VWF: variants seen among roughly 807,000 people sequenced by gnomAD.
VWF encodes Factor VIII related antigen.
VWF carries 176 observed loss-of-function variants against 308.6 expected under a neutral mutation model. The ratio of observed to expected loss-of-function variants is 0.57; its 90% CI spans 0.50 to 0.65. The LOEUF is 0.65. Ranked by LOEUF, VWF falls within the 30% of genes least tolerant of loss-of-function variation. VWF has a pLI of 0.00. For missense variants in VWF, 3,146 were observed against 3,648.2 expected, an observed-to-expected ratio of 0.86 and a Z score of 3.55; for synonymous variants, 1,385 against 1,443.4, an observed-to-expected ratio of 0.96 and a Z score of 0.92.
chr12:5,966,276 T>C (rs769364988), intron 47 of VWF, among the ~76,000 whole-genome samples: 43 of 151,140 alleles, frequency 2.8e-4, no homozygotes, highest in Middle Eastern at 3.4e-3. Context: ...TGTTACACAA[T>C]ACACACACAC....
chr12:6,028,027 A>G (rs1944215292), intron 22 of VWF, among the ~76,000 whole-genome samples: 1 of 152,214 alleles, frequency 6.6e-6, no homozygotes, highest in Admixed American at 6.5e-5. Flanking sequence ...TGCCACAGAG[A>G]AGTGAGGGCA....
At chr12:6,014,638 AAGAC>A (rs1215561154) in intron 31 of VWF, among the ~76,000 whole-genome samples, 1 of 152,244 alleles carries the variant, frequency 6.6e-6, no homozygotes, top group Non-Finnish European at 1.5e-5. Flanking sequence ...TAAGATAAGA[AAGAC>A]AGATGTGAAA....
intron 23 of VWF, 51 bp downstream of exon 23, chr12:6,025,855 A>G (rs942778898): frequency 6.2e-7 from 1 of 1,613,286 alleles, no homozygotes; most frequent in African/African-American, 1.3e-5. Flanking sequence ...ACAGAGGGAC[A>G]TTCCAGGAAG....
chr12:5,980,674 C>T (rs2136369777), intron 42 of VWF, among the ~76,000 whole-genome samples: 1 of 152,366 alleles, frequency 6.6e-6, no homozygotes, highest in East Asian at 1.9e-4. Context: ...GTTCCCGCTT[C>T]TCCAAAACTG....
At chr12:6,053,588 A>G (rs2239160) in intron 15 of VWF, among the ~76,000 whole-genome samples, 132,859 of 152,168 alleles carry the variant, frequency 0.87, 58,147 homozygotes, top group Middle Eastern at 0.91. Context: ...CACAAGCCAG[A>G]AGGAAGTGTA....
At position 6,018,573 on chromosome 12, in the gene VWF, C is replaced by T; in HGVS notation, c.4845G>A (p.Glu1615=). The T allele has an allele frequency of 6.2e-7, 1 of 1,614,180 alleles. No individual in the cohort carries two copies. The highest frequency in any genetic ancestry group is 2.2e-5 in the East Asian group (1 of 44,872). ...YMVTGNPASD[E]IKRLPGDIQV... Reference sequence around the variant, plus strand: ...GGATGTCTCCAGGCAGCCTCTTGATCTCATCAGAGGCAGGATTTCCGGTGA... The same window carrying T: ...GGATGTCTCCAGGCAGCCTCTTGATTTCATCAGAGGCAGGATTTCCGGTGA... Residue 1615 remains glutamate (E), a synonymous_variant, in exon 28 of 52, where the codon GAG becomes GAA. Transcript: ENST00000261405.
intron 6 of VWF, among the ~76,000 whole-genome samples, chr12:6,082,355 G>C (rs1459534490): frequency 6.6e-6 from 1 of 152,128 alleles, no homozygotes; most frequent in Non-Finnish European, 1.5e-5. Context: ...ATCTAATATG[G>C]TAAGTATCAA....
intron 41 of VWF, 114 bp from the exon 42 acceptor site, chr12:5,982,105 T>A (rs1943612951): frequency 1.0e-6 from 1 of 979,808 alleles, no homozygotes; most frequent in Non-Finnish European, 1.6e-6. Flanking sequence ...GTCAGAAATG[T>A]GTGAGGGCCA....
intron 15 of VWF, among the ~76,000 whole-genome samples, chr12:6,055,426 G>C (rs1944565338): frequency 6.6e-6 from 1 of 152,114 alleles, no homozygotes; most frequent in Non-Finnish European, 1.5e-5. Flanking sequence ...TCCCATAACT[G>C]GTACCTCACG....
intron 6 of VWF, among the ~76,000 whole-genome samples, chr12:6,094,656 C>T (rs1945084935): frequency 6.6e-6 from 1 of 152,044 alleles, no homozygotes; most frequent in Non-Finnish European, 1.5e-5. Flanking sequence ...GCTCTGCCTT[C>T]GTGAATGGAT....
chr12:5,951,957 AT>A, intron 49 of VWF, 74 bp from the exon 50 acceptor site: 3 of 1,468,160 alleles, frequency 2.0e-6, no homozygotes, highest in Non-Finnish European at 2.9e-6. Flanking sequence ...CTCCGGGCCA[AT>A]TTTTAGCTCC....
intron 47 of VWF, among the ~76,000 whole-genome samples, chr12:5,962,402 T>C (rs1231130979): frequency 6.6e-6 from 1 of 151,944 alleles, no homozygotes; most frequent in Admixed American, 6.6e-5. Flanking sequence ...AACAGCAAAG[T>C]TGAAAAACTT....
intron 40 of VWF, 112 bp from the exon 41 acceptor site, chr12:5,983,366 A>G: frequency 3.0e-6 from 3 of 1,013,390 alleles, no homozygotes; most frequent in Non-Finnish European, 4.4e-6. Flanking sequence ...GTTTTAGGTA[A>G]GTGATGATGA....
chr12:6,122,661 G>T, intron 2 of VWF: 1 of 438,190 alleles, frequency 2.3e-6, no homozygotes, highest in Non-Finnish European at 4.5e-6. Context: ...CTTAGCAAGG[G>T]AAGGGCAGCA....
At chr12:5,963,411 A>G (rs528415851) in intron 47 of VWF, among the ~76,000 whole-genome samples, 65 of 152,344 alleles carry the variant, frequency 4.3e-4, no homozygotes, top group African/African-American at 1.3e-3. Context: ...ATACTAGAAG[A>G]TTCTGAAATT....
chr12:6,086,963 G>GA (rs1944979314), intron 6 of VWF, among the ~76,000 whole-genome samples: 33 of 152,312 alleles, frequency 2.2e-4, no homozygotes, highest in Admixed American at 2.2e-3. Flanking sequence ...AATCACAGGT[G>GA]AACTGCATGC....
chr12:6,090,930 A>C lies in VWF; in HGVS notation c.657+4530T>G, dbSNP rs188332600. 1.6e-3 allele frequency among the ~76,000 whole-genome samples: 250 copies of C among 152,262 alleles called. 1 individual carries two copies. Among genetic ancestry groups the C allele is most frequent in the Middle Eastern group, 3.4e-3 (1 of 294 alleles). Reference sequence around the variant, plus strand: ...TTCAGGCATTTAGAACTTTGACTGCAAAGAAGAGGAAACTCCTCCCTTCCA... The same window carrying C: ...TTCAGGCATTTAGAACTTTGACTGCCAAGAAGAGGAAACTCCTCCCTTCCA... On this transcript the variant is annotated intron_variant, in intron 6 of 51. Coordinates refer to ENST00000261405, the MANE Select transcript of VWF (RefSeq NM_000552.5).
rs546138427 is a variant in VWF at position 5,950,361 on chromosome 12, G to A, written c.8156-478C>T. ...GGCATACCCTGCCTCTCTGGGGACC[G>A]AGAAGATCCCTAGGCACCTTTGTGA... is the stretch of plus-strand genomic sequence containing the variant. On this transcript the variant is annotated intron_variant, in intron 50 of 51. Coordinates refer to ENST00000261405, the MANE Select transcript of VWF (RefSeq NM_000552.5). 2.6e-5 allele frequency among the ~76,000 whole-genome samples: 4 copies of A among 152,210 alleles called. No individual in the cohort carries two copies. In the East Asian group the frequency reaches 5.8e-4, roughly 22 times the overall value.
intron 3 of VWF, among the ~76,000 whole-genome samples, chr12:6,112,174 T>C (rs1267636097): frequency 3.9e-5 from 6 of 152,102 alleles, no homozygotes; most frequent in African/African-American, 1.4e-4. Flanking sequence ...ACAATGGAAA[T>C]GTCTGAAGAT....
Sources: allele counts gnomAD v4.1 joint callset (sites outside exome capture counted in the v4.1 genomes callset), GRCh38; gene constraint gnomAD v4.1.1; transcripts MANE v1.5; gene names NCBI Gene and HGNC (gene_info 2026-07-23, HGNC 2026-07-21).